EOGT: variants seen among roughly 807,000 people sequenced by gnomAD.
EOGT encodes the protein EGF domain-specific O-linked N-acetylglucosamine transferase.
In EOGT, 55 loss-of-function variants were observed where a neutral mutation model predicts 70.5. That is an observed-to-expected ratio of 0.78 (90% CI 0.63 to 0.98). EOGT has a LOEUF of 0.98. EOGT is among the 50% of genes least tolerant of loss of function. The pLI is 0.00. For synonymous variants in EOGT, 246 were observed against 217.1 expected, an observed-to-expected ratio of 1.13 and a Z score of -1.17; for missense variants, 703 against 641.9, an observed-to-expected ratio of 1.10 and a Z score of -1.03.
intron 1 of EOGT, among the ~76,000 whole-genome samples, chr3:69,013,368 G>C (rs1460182338): frequency 1.3e-5 from 2 of 151,916 alleles, no homozygotes; most frequent in Admixed American, 6.5e-5. Flanking sequence ...CGGGCGCCCG[G>C]GGCCGGGGAG....
In EOGT at chr3:68,978,430, T is replaced by G; in HGVS notation, c.1340A>C (p.Asn447Thr). The G allele has an allele frequency of 6.2e-7, 1 of 1,605,130 alleles. No homozygotes were observed. The highest frequency in any genetic ancestry group is 1.1e-5 in the South Asian group (1 of 88,768). ...TAAGTAACAGCGTTCATCTTCACAG[T>G]TGTACCTAAGGACACAAGGGTGTCA... The part of the protein sequence containing the change: ...PDWAAVFELY[N>T]CEDERCYLDL... Residue 447 changes from asparagine to threonine, a missense_variant, in exon 17 of 18, where the codon AAC becomes ACC. By Grantham distance (65) the Asn-to-Thr change is moderately conservative. Coordinates refer to ENST00000383701, the MANE Select transcript of EOGT (RefSeq NM_001278689.2).
Position 68,978,364 on chromosome 3 carries a change from C to T in EOGT, c.1406G>A (p.Arg469Gln), listed in dbSNP as rs867396142. ...CTGAGGAAAGACTTTGTTCTGCCGT[C>T]GCCAAGTGATGTAGTGAACGCCTCT... Reference protein sequence around the residue: ...RLRGVHYITWRRQNKVFPQDK... With the variant: ...RLRGVHYITWQRQNKVFPQDK... Residue 469 changes from arginine to glutamine, a missense_variant, in exon 17 of 18, where the codon CGA becomes CAA. Transcript: ENST00000383701. The T allele has an allele frequency of 8.7e-6, 14 of 1,612,634 alleles. No homozygotes were observed. Among genetic ancestry groups the T allele is most frequent in the African/African-American group, 6.7e-5 (5 of 74,822 alleles).
chr3:69,011,344 C>A (rs933711855), intron 3 of EOGT, among the ~76,000 whole-genome samples: 1 of 151,546 alleles, frequency 6.6e-6, no homozygotes, highest in Non-Finnish European at 1.5e-5. Context: ...GAAGATGGAA[C>A]CTTTAGAAAC....
Position 68,988,574 on chromosome 3 carries a change from A to T in EOGT, c.928T>A (p.Cys310Ser). The part of the protein sequence containing the change: ...HLKTYDSKRV[C>S]FKEAVFSLLP... The stretch of plus-strand genomic sequence containing the variant: ...AATGAAAAAACAGCTTCTTTAAAAC[A>T]TACCTAAGAACAAAGATACATTAAA... The change falls in exon 12 of 18, where the codon TGT (cysteine) becomes AGT (serine). Residue 310 changes from cysteine to serine, a missense_variant. Cys to Ser is a moderately radical substitution (Grantham distance 112, BLOSUM62 -1). Transcript: ENST00000383701. 6.6e-7 allele frequency: 1 copy of T among 1,525,134 alleles called. No homozygotes were observed. The highest frequency in any genetic ancestry group is 8.8e-7 in the Non-Finnish European group (1 of 1,139,798). 94.5% of individuals were successfully genotyped at this position (1,525,134 alleles called of 1,614,324 possible). A position where few individuals can be genotyped will look rare whatever the true frequency, so the allele number is the denominator to read the frequency against.
chr3:68,979,571 T>C (rs1448622297), intron 16 of EOGT, 97 bp downstream of exon 16: 29 of 1,310,592 alleles, frequency 2.2e-5, no homozygotes, highest in Non-Finnish European at 2.9e-5. Context: ...TTTTGAATGA[T>C]TAAATATTAA....
chr3:68,980,412 C>A (rs937931552), intron 15 of EOGT, among the ~76,000 whole-genome samples: 4 of 152,126 alleles, frequency 2.6e-5, no homozygotes, highest in Admixed American at 2.6e-4. Context: ...CATGTTAGGA[C>A]TGTACAAGTG....
chr3:68,994,978 C>A (rs7642879), intron 10 of EOGT, among the ~76,000 whole-genome samples: 1 of 151,896 alleles, frequency 6.6e-6, no homozygotes, highest in Non-Finnish European at 1.5e-5. Flanking sequence ...GCCCATCCCA[C>A]TGAAGATGCC....
chr3:68,987,640 T>C (rs1290892876), intron 13 of EOGT, 127 bp from the exon 14 acceptor site: 6 of 700,864 alleles, frequency 8.6e-6, no homozygotes, highest in Admixed American at 2.9e-5. Flanking sequence ...AGAACTCTTC[T>C]TTTTTAGCTT....
Position 68,998,041 on chromosome 3 carries a change from A to G in EOGT, c.801T>C (p.Ser267=). Residue 267 remains serine (S), a synonymous_variant, in exon 10 of 18, where the codon AGT becomes AGC. Coordinates refer to ENST00000383701, the MANE Select transcript of EOGT (RefSeq NM_001278689.2). The part of the protein sequence containing the change: ...YITQHVNNSF[S]TDVYIVMWDT... ...CCCACATCACGATGTACACGTCAGT[A>G]CTGAATGAGTTATTAACGTGCTGAG... 6.3e-7 allele frequency: 1 copy of G among 1,597,236 alleles called. No individual in the cohort carries two copies. Among genetic ancestry groups the G allele is most frequent in the Non-Finnish European group, 8.5e-7 (1 of 1,170,304 alleles).
At chr3:69,004,988 G>T in intron 7 of EOGT, 152 bp downstream of exon 7, 1 of 518,840 alleles carries the variant, frequency 1.9e-6, no homozygotes, top group Non-Finnish European at 3.4e-6. Flanking sequence ...CTTGGGTTTG[G>T]GAGGTCACAG....
rs1331011034 is a variant in EOGT, at chr3:68,976,595, ATC to A, written c.*1021_*1022del. 6.6e-6 allele frequency: 1 copy of A among 151,400 alleles called. No homozygotes were observed. Among genetic ancestry groups the A allele is most frequent in the Non-Finnish European group, 1.5e-5 (1 of 68,004 alleles). The allele number at this position is 151,400 out of a possible 1,614,324, so 9.4% of individuals were successfully genotyped here. A position where few individuals can be genotyped will look rare whatever the true frequency, so the allele number is the denominator to read the frequency against. On this transcript the variant is annotated 3_prime_UTR_variant, in exon 18 of 18. Transcript: ENST00000383701. ...ATAACCTGGAGGTGACTAAACGCTG[ATC>A]TATAACATGGTCCTATAGCTTGGTA... is the stretch of plus-strand genomic sequence containing the variant.
In EOGT at chr3:68,978,846, C is replaced by T. The variant is rs116534633; in HGVS notation, c.1335-411G>A. 9.7e-3 allele frequency among the ~76,000 whole-genome samples: 1,482 copies of T among 152,256 alleles called. 11 individuals carry two copies. Among genetic ancestry groups the T allele is most frequent in the Middle Eastern group, 0.051 (15 of 292 alleles). On this transcript the variant is annotated intron_variant, in intron 16 of 17. Transcript: ENST00000383701. ...TATAAGGCTTGAGTTTTCTCAGTTACATTTCTCTCCCTTCTCTCTCCTTTC... is the reference window on the plus strand; with the variant it reads ...TATAAGGCTTGAGTTTTCTCAGTTATATTTCTCTCCCTTCTCTCTCCTTTC...
At chr3:69,005,382 T>G in intron 6 of EOGT, 148 bp from the exon 7 acceptor site, 1 of 545,212 alleles carries the variant, frequency 1.8e-6, no homozygotes, top group South Asian at 2.7e-5. Context: ...CTGCATCTGC[T>G]GAAGGATATT....
At position 68,988,355 on chromosome 3, in the gene EOGT, T is replaced by C. The variant is rs2090878286; in HGVS notation, c.1023A>G (p.Leu341=). The C allele has an allele frequency of 2.6e-6, 4 of 1,535,914 alleles. No individual in the cohort carries two copies. Among genetic ancestry groups the C allele is most frequent in the East Asian group, 2.4e-5 (1 of 40,930 alleles). The change falls in exon 13 of 18, where the codon CTA becomes CTG. Residue 341 remains leucine, a synonymous_variant. Coordinates refer to ENST00000383701, the MANE Select transcript of EOGT (RefSeq NM_001278689.2). ...PLISGCQNTG[L]FRAFAQHVLH... ...GTACATGCTGGGCAAATGCCCTGAA[T>C]AGTCCAGTATTTTGACAGCCAGATA...
At chr3:68,978,686 GC>G (rs1183626355) in intron 16 of EOGT, among the ~76,000 whole-genome samples, 1 of 112,318 alleles carries the variant, frequency 8.9e-6, no homozygotes, top group Non-Finnish European at 1.9e-5. Context: ...AGGGCCTGCT[GC>G]CTATGGACTT....
At chr3:69,011,414 C>A (rs1340961842) in intron 3 of EOGT, among the ~76,000 whole-genome samples, 1 of 151,268 alleles carries the variant, frequency 6.6e-6, no homozygotes, top group Non-Finnish European at 1.5e-5. Flanking sequence ...TTGCTTGAGT[C>A]CCTGAGTTCG....
At chr3:69,006,512 A>T (rs1485873496) in intron 6 of EOGT, among the ~76,000 whole-genome samples, 1 of 152,216 alleles carries the variant, frequency 6.6e-6, no homozygotes, top group Non-Finnish European at 1.5e-5. Flanking sequence ...CCTTAATCGT[A>T]AGTGCTTACA....
Position 69,005,123 on chromosome 3 carries a change from A to T in EOGT, c.515+17T>A. On this transcript the variant is annotated intron_variant, in intron 7 of 17. Transcript: ENST00000383701. ...TTCAGAATTTATACTAGATGTTAACATTAACCACTAAAGTACCTGTCATGA... is the reference window on the plus strand; with the variant it reads ...TTCAGAATTTATACTAGATGTTAACTTTAACCACTAAAGTACCTGTCATGA... 7.2e-7 allele frequency: 1 copy of T among 1,392,524 alleles called. No individual in the cohort carries two copies. Among genetic ancestry groups the T allele is most frequent in the Non-Finnish European group, 1.0e-6 (1 of 997,890 alleles). 86.3% of individuals were successfully genotyped at this position (1,392,524 alleles called of 1,614,324 possible).
chr3:68,988,429 T>TAA (rs1338692621), intron 12 of EOGT, 48 bp from the exon 13 acceptor site: 50 of 1,489,142 alleles, frequency 3.4e-5, no homozygotes, highest in Non-Finnish European at 4.5e-5. Context: ...TTCTGTATTA[T>TAA]AATTTAAGAT....
Sources: allele counts gnomAD v4.1 joint callset (sites outside exome capture counted in the v4.1 genomes callset), GRCh38; gene constraint gnomAD v4.1.1; transcripts MANE v1.5; gene names NCBI Gene and HGNC (gene_info 2026-07-23, HGNC 2026-07-21).